Variants in INPP5D observed in about 807,000 individuals in gnomAD.
INPP5D encodes phosphatidylinositol 3,4,5-trisphosphate 5-phosphatase 1.
A neutral mutation model predicts 122.9 loss-of-function variants in INPP5D; 33 were observed. The ratio of observed to expected loss-of-function variants is 0.27; its 90% confidence interval spans 0.20 to 0.36. The LOEUF is 0.36. Ranked by LOEUF, INPP5D falls within the 10% of genes least tolerant of loss-of-function variation. The probability of loss-of-function intolerance (pLI) is 1.00; values close to 1 mark genes in which losing one functional copy is unlikely to be tolerated. For missense variants in INPP5D, 1,053 were observed against 1,412.7 expected, an observed-to-expected ratio of 0.75 and a Z score of 4.08; for synonymous variants, 584 against 576.2, an observed-to-expected ratio of 1.01 and a Z score of -0.19.
rs545270620 is a variant in INPP5D at position 233,151,548 on chromosome 2, C to G, written c.1030+3954C>G. 3.3e-5 allele frequency among the ~76,000 whole-genome samples: 5 copies of G among 152,296 alleles called. No homozygotes were observed. The South Asian group carries it at 1.0e-3, about 32-fold the overall frequency. On this transcript the variant is annotated intron_variant, in intron 9 of 26. Transcript: ENST00000445964. ...TCCCCCTAAAAAGGGCAAGGTCTTTCCTTTACACACCCTGGACTCTGCAGG... is the reference window on the plus strand; with the variant it reads ...TCCCCCTAAAAAGGGCAAGGTCTTTGCTTTACACACCCTGGACTCTGCAGG...
intron 13 of INPP5D, among the ~76,000 whole-genome samples, chr2:233,166,447 C>T (rs1226864813): frequency 5.3e-5 from 8 of 152,142 alleles, no homozygotes; most frequent in South Asian, 4.1e-4. Flanking sequence ...GAGTGTGTGG[C>T]GTGGGCAGAG....
chr2:233,075,851 A>T (rs1691506537), intron 1 of INPP5D, among the ~76,000 whole-genome samples: 2 of 152,116 alleles, frequency 1.3e-5, no homozygotes, highest in South Asian at 2.1e-4. Context: ...AGCCCTGTGC[A>T]TTGGCTATGC....
intron 9 of INPP5D, among the ~76,000 whole-genome samples, chr2:233,156,047 GAC>G (rs1694044588): frequency 6.6e-6 from 1 of 152,262 alleles, no homozygotes; most frequent in African/African-American, 2.4e-5. Flanking sequence ...TGAGGGAAAA[GAC>G]ACATGCATAG....
intron 6 of INPP5D, 134 bp from the exon 7 acceptor site, chr2:233,146,028 A>G: frequency 1.4e-6 from 1 of 702,928 alleles, no homozygotes; most frequent in South Asian, 1.5e-5. Context: ...ATCTGCCAGA[A>G]GGGGATAATA....
chr2:233,191,494 G>A (rs546536463), intron 22 of INPP5D, among the ~76,000 whole-genome samples: 4 of 152,326 alleles, frequency 2.6e-5, no homozygotes, highest in Admixed American at 2.6e-4. Flanking sequence ...TAGATGCAGT[G>A]CCGCGGGTAA....
At chr2:233,205,663 C>T (rs1481564228) in intron 26 of INPP5D, 1 of 152,110 alleles carries the variant, frequency 6.6e-6, no homozygotes, top group Non-Finnish European at 1.5e-5. Context: ...CACCCAGCCT[C>T]ATTGTTATTA....
At chr2:233,118,919 G>A (rs1303389233) in intron 2 of INPP5D, among the ~76,000 whole-genome samples, 1 of 152,220 alleles carries the variant, frequency 6.6e-6, no homozygotes, top group Non-Finnish European at 1.5e-5. Context: ...CCAGACCCTG[G>A]CTCCCTGGCC....
chr2:233,111,361 C>A (rs762333277), intron 2 of INPP5D, among the ~76,000 whole-genome samples: 6 of 152,156 alleles, frequency 3.9e-5, no homozygotes, highest in Non-Finnish European at 7.3e-5. Context: ...TACACACACA[C>A]ACACGCACAC....
intron 2 of INPP5D, among the ~76,000 whole-genome samples, chr2:233,117,586 T>C (rs1439861873): frequency 6.6e-6 from 1 of 152,188 alleles, no homozygotes; most frequent in Non-Finnish European, 1.5e-5. Flanking sequence ...GCTTCTTGCC[T>C]GTGATCTTCC....
Position 233,204,492 on chromosome 2 carries a change from C to G in INPP5D, c.3342C>G (p.Ala1114=), listed in dbSNP as rs765450380. Residue 1114 remains alanine (A), a synonymous_variant, in exon 26 of 27, where the codon GCC becomes GCG. Coordinates refer to ENST00000445964, the MANE Select transcript of INPP5D (RefSeq NM_001017915.3). ...CCAAGACCCCGGTCAGCTCCCAGGC[C>G]CCGGTGCCGGCCAAGAGGCCCATCA... ...GKPKTPVSSQ[A]PVPAKRPIKP... is the part of the protein sequence containing the mutation. 1.3e-6 allele frequency: 2 copies of G among 1,583,106 alleles called. No individual in the cohort carries two copies. The highest frequency in any genetic ancestry group is 1.8e-5 in the Admixed American group (1 of 55,376).
At chr2:233,140,708 C>A (rs1331287349) in intron 6 of INPP5D, 3 of 152,120 alleles carry the variant, frequency 2.0e-5, no homozygotes, top group Admixed American at 2.0e-4. Flanking sequence ...TGCCAGTCTC[C>A]TTTTAAAATT....
intron 2 of INPP5D, among the ~76,000 whole-genome samples, chr2:233,111,664 A>G (rs555306541): frequency 6.6e-5 from 10 of 152,334 alleles, no homozygotes; most frequent in African/African-American, 1.7e-4. Flanking sequence ...AGGGGGTACA[A>G]TGGCGCTCTG....
At chr2:233,182,664 G>A (rs897768696) in intron 19 of INPP5D, among the ~76,000 whole-genome samples, 165 bp downstream of exon 19, 2 of 152,088 alleles carry the variant, frequency 1.3e-5, no homozygotes, top group African/African-American at 4.8e-5. Flanking sequence ...CAGCACAATT[G>A]CAGTCCAGAG....
chr2:233,088,883 G>A (rs76736656), intron 2 of INPP5D, among the ~76,000 whole-genome samples: 293 of 152,324 alleles, frequency 1.9e-3, no homozygotes, highest in African/African-American at 6.5e-3. Context: ...AGGAGGACAA[G>A]TGCCTGGAAA....
intron 2 of INPP5D, among the ~76,000 whole-genome samples, chr2:233,092,683 G>A (rs1442840492): frequency 1.3e-5 from 2 of 152,224 alleles, no homozygotes; most frequent in Non-Finnish European, 2.9e-5. Flanking sequence ...AATTGCATGT[G>A]GCAGAAGGAA....
chr2:233,195,351 T>C lies in INPP5D; in HGVS notation c.2597-48T>C, dbSNP rs1269852824. 5 of 1,612,882 alleles carry C rather than the reference T, an allele frequency of 3.1e-6. No individual in the cohort carries two copies. In the African/African-American group the frequency reaches 5.3e-5, roughly 17 times the overall value. Reference sequence around the variant, plus strand: ...CCCCTTTGCCATCCCTCGCCTAAGCTCTGGAAGCTGGGCCCTCACATGCTC... The same window carrying C: ...CCCCTTTGCCATCCCTCGCCTAAGCCCTGGAAGCTGGGCCCTCACATGCTC... On this transcript the variant is annotated intron_variant, in intron 23 of 26. Coordinates refer to ENST00000445964, the MANE Select transcript of INPP5D (RefSeq NM_001017915.3).
Position 233,163,590 on chromosome 2 carries a change from G to A in INPP5D, c.1241-117G>A, listed in dbSNP as rs955268627. The stretch of plus-strand genomic sequence containing the variant: ...TGCAGGCATTTCTTTGGGCTGCCTG[G>A]ATGGTCTTGTGTAATGACGTGACCT... On this transcript the variant is annotated intron_variant, in intron 11 of 26. Transcript: ENST00000445964. 46 of 1,533,686 alleles carry A rather than the reference G, an allele frequency of 3.0e-5. No individual in the cohort carries two copies. The African/African-American group carries it at 3.2e-4, about 11-fold the overall frequency.
chr2:233,166,766 C>G (rs2106298782), intron 13 of INPP5D, among the ~76,000 whole-genome samples: 1 of 152,338 alleles, frequency 6.6e-6, no homozygotes. Flanking sequence ...CGGTGGATCA[C>G]TTGAAGTCAG....
intron 25 of INPP5D, 146 bp from the exon 26 acceptor site, chr2:233,203,980 T>G: frequency 7.7e-7 from 1 of 1,306,914 alleles, no homozygotes; most frequent in Non-Finnish European, 1.0e-6. Context: ...TTTGGTGCCA[T>G]TCAGTAAATT....
Sources: allele counts gnomAD v4.1 joint callset (sites outside exome capture counted in the v4.1 genomes callset), GRCh38; gene constraint gnomAD v4.1.1; transcripts MANE v1.5; gene names NCBI Gene and HGNC (gene_info 2026-07-23, HGNC 2026-07-21).